Variants in SPOP observed in about 807,000 individuals in gnomAD.
SPOP encodes speckle type BTB/POZ protein, also known as speckle-type POZ protein.
Under a neutral mutation model 45.6 loss-of-function variants are expected in SPOP, and 11 were observed. The ratio of observed to expected loss-of-function variants is 0.24; its 90% CI spans 0.15 to 0.40. SPOP has a LOEUF of 0.40. SPOP is among the 10% of genes least tolerant of loss of function. The pLI is 1.00. For synonymous variants in SPOP, 166 were observed against 166.3 expected (o/e 1.00, Z 0.01); for missense variants, 152 against 465.6 (o/e 0.33, Z 6.20).
At chr17:49,635,460 A>G (rs1356027134) in intron 1 of SPOP, among the ~76,000 whole-genome samples, 1 of 152,204 alleles carries the variant, frequency 6.6e-6, no homozygotes, top group African/African-American at 2.4e-5. Flanking sequence ...AAAATTTCAT[A>G]CTACAAAGTA....
At chr17:49,615,658 G>A (rs974855385) in intron 5 of SPOP, among the ~76,000 whole-genome samples, 2 of 152,078 alleles carry the variant, frequency 1.3e-5, no homozygotes, top group Non-Finnish European at 2.9e-5. Context: ...GGAACCACAG[G>A]GGTGGGCCAC....
chr17:49,673,851 A>C (rs1393655795), intron 1 of SPOP, among the ~76,000 whole-genome samples: 2 of 152,164 alleles, frequency 1.3e-5, no homozygotes, highest in Non-Finnish European at 2.9e-5. Context: ...CTTTACAACA[A>C]GATTACATCT....
chr17:49,611,537 C>T, intron 5 of SPOP, 80 bp from the exon 6 acceptor site: 2 of 1,277,524 alleles, frequency 1.6e-6, no homozygotes, highest in South Asian at 2.4e-5. Flanking sequence ...TTTTACCTAA[C>T]TGCTGTAGTA....
chr17:49,651,729 G>T (rs562809424), intron 1 of SPOP, among the ~76,000 whole-genome samples: 2 of 152,176 alleles, frequency 1.3e-5, no homozygotes, highest in Admixed American at 1.3e-4. Context: ...TTAAATTTTG[G>T]AAGAATAGGC....
intron 9 of SPOP, chr17:49,601,505 G>A (rs2071739692): frequency 6.1e-6 from 1 of 163,444 alleles, no homozygotes; most frequent in African/African-American, 2.4e-5. Flanking sequence ...CCAAACATGA[G>A]GTACATTTTA....
Position 49,611,463 on chromosome 17 carries a change from A to G in SPOP, c.481-6T>C, listed in dbSNP as rs201537408. On this transcript the variant is annotated splice_polypyrimidine_tract_variant and splice_region_variant and intron_variant, in intron 5 of 9. Coordinates refer to ENST00000504102, the MANE Select transcript of SPOP (RefSeq NM_001007228.2). The stretch of plus-strand genomic sequence containing the variant: ...GAATCTTGCACAACACTCACCTGTG[A>G]AAGACAAGGAAACACAAGCCAAGCT... 1.2e-6 allele frequency: 2 copies of G among 1,612,384 alleles called. No homozygotes were observed. The highest frequency in any genetic ancestry group is 4.5e-5 in the East Asian group (2 of 44,882).
chr17:49,619,658 C>T lies in SPOP; in HGVS notation c.201-273G>A, dbSNP rs2072177177. 6.6e-6 allele frequency among the ~76,000 whole-genome samples: 1 copy of T among 152,002 alleles called. No homozygotes were observed. The highest frequency in any genetic ancestry group is 1.5e-5 in the Non-Finnish European group (1 of 67,994). Reference sequence around the variant, plus strand: ...AGGTGATCCTCCCACCCCAGCCTCCCGAGTAGCGGGGACTACAGATGTGCA... The same window carrying T: ...AGGTGATCCTCCCACCCCAGCCTCCTGAGTAGCGGGGACTACAGATGTGCA... On this transcript the variant is annotated intron_variant, in intron 3 of 9. Transcript: ENST00000504102. This position sits in a 1 kb window ranked among gnomAD's most constrained non-coding sequence, Gnocchi z 4.9.
chr17:49,665,575 A>T (rs2073044260), intron 1 of SPOP, among the ~76,000 whole-genome samples: 1 of 150,688 alleles, frequency 6.6e-6, no homozygotes, highest in Non-Finnish European at 1.5e-5. Context: ...AGATCGCACC[A>T]CTGTACTCCA....
intron 1 of SPOP, among the ~76,000 whole-genome samples, chr17:49,648,357 C>T (rs1321897714): frequency 1.3e-5 from 2 of 152,196 alleles, no homozygotes; most frequent in African/African-American, 4.8e-5. Flanking sequence ...TCATCACCTA[C>T]CACTCTCCCT....
chr17:49,613,624 A>G (rs886920026), intron 5 of SPOP, among the ~76,000 whole-genome samples: 1 of 152,246 alleles, frequency 6.6e-6, no homozygotes, highest in African/African-American at 2.4e-5. Context: ...AGACAGGAAC[A>G]CAGCAGAAAA....
At chr17:49,658,894 G>A (rs901549849) in intron 1 of SPOP, among the ~76,000 whole-genome samples, 1 of 152,186 alleles carries the variant, frequency 6.6e-6, no homozygotes, top group African/African-American at 2.4e-5. Context: ...CCTTAGCAAA[G>A]ATCTGCTTGC....
rs904639711 is a variant in SPOP at position 49,619,991 on chromosome 17, T to C, written c.201-606A>G. Among the ~76,000 whole-genome samples the C allele has an allele frequency of 6.6e-6, 1 of 151,108 alleles. No homozygotes were observed. Among genetic ancestry groups the C allele is most frequent in the African/African-American group, 2.4e-5 (1 of 41,040 alleles). ...CTGGCCAACGTGGTGAAACCCCGTCTCTACTAAAAATAAAAAATAAAGAAA... is the reference window on the plus strand; with the variant it reads ...CTGGCCAACGTGGTGAAACCCCGTCCCTACTAAAAATAAAAAATAAAGAAA... On this transcript the variant is annotated intron_variant, in intron 3 of 9. Transcript: ENST00000504102. This position sits in a 1 kb window ranked among gnomAD's most constrained non-coding sequence, Gnocchi z 4.9.
At chr17:49,611,534 T>A in intron 5 of SPOP, 77 bp from the exon 6 acceptor site, 1 of 1,317,030 alleles carries the variant, frequency 7.6e-7, no homozygotes, top group Non-Finnish European at 1.1e-6. Flanking sequence ...GACTTTTACC[T>A]AACTGCTGTA....
At chr17:49,623,170 G>A (rs1024723250) in intron 1 of SPOP, among the ~76,000 whole-genome samples, 3 of 152,026 alleles carry the variant, frequency 2.0e-5, no homozygotes, top group African/African-American at 7.2e-5. Flanking sequence ...CACCACACCT[G>A]ACTAATTGTG....
At chr17:49,661,219 A>C (rs2072983796) in intron 1 of SPOP, among the ~76,000 whole-genome samples, 1 of 152,176 alleles carries the variant, frequency 6.6e-6, no homozygotes, top group Non-Finnish European at 1.5e-5. Context: ...AAAAGTTTTC[A>C]ATCTCTCATG....
At position 49,650,288 on chromosome 17, in the gene SPOP, T is replaced by C. The variant is rs564705794; in HGVS notation, c.-66-27412A>G. Reference sequence around the variant, plus strand: ...CCAGGATGAGAAATTGGCTTATAAATAGAAAAACAGGCTGGGTGCAGTGGC... The same window carrying C: ...CCAGGATGAGAAATTGGCTTATAAACAGAAAAACAGGCTGGGTGCAGTGGC... On this transcript the variant is annotated intron_variant, in intron 1 of 9. Coordinates refer to ENST00000504102, the MANE Select transcript of SPOP (RefSeq NM_001007228.2). Among the ~76,000 whole-genome samples the C allele has an allele frequency of 3.7e-4, 56 of 152,020 alleles. 1 individual carries two copies. In the South Asian group the frequency reaches 0.011, roughly 31 times the overall value.
chr17:49,645,179 C>G (rs909781387), intron 1 of SPOP, among the ~76,000 whole-genome samples: 1 of 152,158 alleles, frequency 6.6e-6, no homozygotes, highest in Non-Finnish European at 1.5e-5. Flanking sequence ...TAAGGAAAAT[C>G]CTGTGTTGGT....
intron 1 of SPOP, among the ~76,000 whole-genome samples, chr17:49,633,621 A>T (rs2072491910): frequency 6.6e-6 from 1 of 152,196 alleles, no homozygotes; most frequent in South Asian, 2.1e-4. Context: ...ACTATGTAAC[A>T]GTTATTGATA....
At chr17:49,626,006 C>T (rs28705986) in intron 1 of SPOP, among the ~76,000 whole-genome samples, 3,635 of 152,158 alleles carry the variant, frequency 0.024, 164 homozygotes, top group African/African-American at 0.083. Flanking sequence ...TTATTTTTAT[C>T]GTTTTGATAT....
Sources: gnomAD v4.1 joint callset for allele counts (sites outside exome capture counted in the v4.1 genomes callset) on GRCh38, gnomAD v4.1.1 for gene constraint, Gnocchi (gnomAD v3.1) non-coding constraint, MANE v1.5 for transcripts, NCBI Gene and HGNC (gene_info 2026-07-23, HGNC 2026-07-21) for gene names.